The following TACC1 variants were observed in gnomAD, a reference collection of about 807,000 sequenced individuals.
TACC1 encodes the protein transforming acidic coiled-coil-containing protein 1.
A neutral mutation model predicts 84.4 loss-of-function variants in TACC1; 48 were observed. The observed-to-expected ratio is 0.57, with a 90% CI of 0.45 to 0.72. TACC1 has a LOEUF of 0.72. Among genes scored for constraint, TACC1 ranks in the 30% least tolerant of loss-of-function variants. TACC1 has a pLI of 0.00. For synonymous variants in TACC1, 372 were observed against 376.3 expected (o/e 0.99, Z 0.13); for missense variants, 920 against 973.0 (o/e 0.95, Z 0.72).
intron 3 of TACC1, among the ~76,000 whole-genome samples, chr8:38,775,379 G>A (rs930101424): frequency 2.0e-5 from 3 of 152,186 alleles, no homozygotes; most frequent in African/African-American, 7.2e-5. Flanking sequence ...AGGAGTCAGT[G>A]ATTATCTTAG....
chr8:38,742,317 C>T (rs772286990), intron 1 of TACC1: 5 of 937,652 alleles, frequency 5.3e-6, no homozygotes, highest in Non-Finnish European at 7.4e-6. Context: ...TATGATTAAG[C>T]ATGTGACTCC....
At chr8:38,752,985 C>T (rs1809322182) in intron 3 of TACC1, among the ~76,000 whole-genome samples, 1 of 152,140 alleles carries the variant, frequency 6.6e-6, no homozygotes, top group Admixed American at 6.6e-5. Flanking sequence ...ATTTTAGAAC[C>T]ACACCAAGGG....
intron 2 of TACC1, among the ~76,000 whole-genome samples, chr8:38,818,838 C>T (rs985596252): frequency 1.3e-5 from 2 of 149,950 alleles, no homozygotes; most frequent in Non-Finnish European, 3.0e-5. Flanking sequence ...AATGCAGTGG[C>T]GCAATCTCGG....
At chr8:38,793,593 C>G (rs891406279) in intron 2 of TACC1, among the ~76,000 whole-genome samples, 3 of 151,894 alleles carry the variant, frequency 2.0e-5, no homozygotes, top group Non-Finnish European at 4.4e-5. Context: ...CAGGGCCCAT[C>G]AAGTTATATA....
chr8:38,751,587 C>G (rs764124880), intron 3 of TACC1, among the ~76,000 whole-genome samples: 1 of 152,152 alleles, frequency 6.6e-6, no homozygotes, highest in Non-Finnish European at 1.5e-5. Context: ...ATTTTTCTAA[C>G]AGCATGTACT....
chr8:38,793,640 G>T (rs1312971222), intron 2 of TACC1, among the ~76,000 whole-genome samples: 4 of 152,040 alleles, frequency 2.6e-5, no homozygotes, highest in Middle Eastern at 3.2e-3. Flanking sequence ...ATGGGGTCTT[G>T]CTATGTTGCC....
intron 2 of TACC1, among the ~76,000 whole-genome samples, chr8:38,807,178 C>T (rs570320341): frequency 1.3e-5 from 2 of 152,252 alleles, no homozygotes; most frequent in East Asian, 1.9e-4. Context: ...CTCATACTTC[C>T]GAGAGTTTTT....
chr8:38,768,435 A>G (rs938353500), intron 3 of TACC1, among the ~76,000 whole-genome samples: 1 of 152,220 alleles, frequency 6.6e-6, no homozygotes, highest in Non-Finnish European at 1.5e-5. Flanking sequence ...TCACACACAA[A>G]TGTGTTGATG....
intron 3 of TACC1, among the ~76,000 whole-genome samples, chr8:38,750,143 C>T (rs984854717): frequency 6.6e-6 from 1 of 152,028 alleles, no homozygotes; most frequent in Admixed American, 6.5e-5. Context: ...TGTGAATAGC[C>T]ACTGCATTCC....
At chr8:38,745,037 C>G (rs765841605) in exon 3 of TACC1, 2 of 154,692 alleles carry the variant, frequency 1.3e-5, no homozygotes, top group African/African-American at 2.4e-5. Flanking sequence ...TCCTTCAGCC[C>G]CAGGCTTCTA....
intron 3 of TACC1, among the ~76,000 whole-genome samples, chr8:38,749,946 G>A (rs939052714): frequency 2.0e-5 from 3 of 152,156 alleles, no homozygotes; most frequent in Admixed American, 6.5e-5. Flanking sequence ...CAAATTAATA[G>A]AATAAAGACA....
At chr8:38,827,530 A>G (rs1828370697) in intron 5 of TACC1, 155 bp downstream of exon 5, 2 of 714,314 alleles carry the variant, frequency 2.8e-6, no homozygotes. Context: ...TTACCTGGAA[A>G]AGGGACACAA....
intron 3 of TACC1, among the ~76,000 whole-genome samples, chr8:38,765,618 C>A (rs146082472): frequency 1.6e-3 from 246 of 152,156 alleles, no homozygotes; most frequent in African/African-American, 5.8e-3. Flanking sequence ...TTAATTTTTT[C>A]TTTTCACTCT....
At chr8:38,821,519 T>C (rs1284203038) in intron 3 of TACC1, among the ~76,000 whole-genome samples, 13 of 152,202 alleles carry the variant, frequency 8.5e-5, no homozygotes, top group Admixed American at 8.5e-4. Flanking sequence ...TTCTGGCTCA[T>C]CAGCCAGGAG....
intron 2 of TACC1, chr8:38,742,458 C>A: frequency 6.6e-7 from 1 of 1,525,922 alleles, no homozygotes; most frequent in Non-Finnish European, 8.8e-7. Context: ...AAAGGTAATT[C>A]TTTTCTTTGA....
chr8:38,757,564 T>A (rs1309740172), intron 3 of TACC1, among the ~76,000 whole-genome samples: 1 of 151,584 alleles, frequency 6.6e-6, no homozygotes, highest in Non-Finnish European at 1.5e-5. Flanking sequence ...CACGAGAGTT[T>A]GGCCAGCAGG....
At chr8:38,736,545 G>C (rs374543986) in intron 1 of TACC1, among the ~76,000 whole-genome samples, 1 of 152,212 alleles carries the variant, frequency 6.6e-6, no homozygotes, top group East Asian at 1.9e-4. Context: ...GAGCTCAGGA[G>C]GTCAAGGCTG....
In TACC1 at chr8:38,849,165, A is replaced by C. The variant is rs1411960956; in HGVS notation, c.*1142A>C. 6.6e-6 allele frequency: 1 copy of C among 151,176 alleles called. No homozygotes were observed. Among genetic ancestry groups the C allele is most frequent in the Admixed American group, 6.6e-5 (1 of 15,200 alleles). The allele number at this position is 151,176 out of a possible 1,614,324, so 9.4% of individuals were successfully genotyped here. A position where few individuals can be genotyped will look rare whatever the true frequency, so the allele number is the denominator to read the frequency against. On this transcript the variant is annotated 3_prime_UTR_variant, in exon 13 of 13. Coordinates refer to ENST00000317827, the MANE Select transcript of TACC1 (RefSeq NM_006283.3). Reference sequence around the variant, plus strand: ...AAAATACCTTCTAACTTAAGACAGAATTTTTAACAAAATGAGCAGTAAAAG... The same window carrying C: ...AAAATACCTTCTAACTTAAGACAGACTTTTTAACAAAATGAGCAGTAAAAG...
At chr8:38,741,669 C>G (rs902594775) in intron 1 of TACC1, among the ~76,000 whole-genome samples, 1 of 152,140 alleles carries the variant, frequency 6.6e-6, no homozygotes, top group Admixed American at 6.5e-5. Flanking sequence ...ACTCTTCCTG[C>G]CCTGCCCGTC....
Sources: allele counts gnomAD v4.1 joint callset (sites outside exome capture counted in the v4.1 genomes callset), GRCh38; gene constraint gnomAD v4.1.1; transcripts MANE v1.5; gene names NCBI Gene and HGNC (gene_info 2026-07-23, HGNC 2026-07-21).